SLC39A14: variants seen among roughly 807,000 people sequenced by gnomAD.
SLC39A14 encodes solute carrier family 39 member 14, also known as metal cation symporter ZIP14.
Under a neutral mutation model 45.5 loss-of-function variants are expected in SLC39A14, and 19 were observed. The observed-to-expected ratio is 0.42, with a 90% CI of 0.29 to 0.61. The LOEUF is 0.61. Ranked by LOEUF, SLC39A14 falls within the 20% of genes least tolerant of loss-of-function variation. The pLI is 0.22. For synonymous variants in SLC39A14, 264 were observed against 251.3 expected (o/e 1.05, Z -0.48); for missense variants, 447 against 616.5 (o/e 0.73, Z 2.91).
At chr8:22,406,208 G>A (rs1393185281) in intron 2 of SLC39A14, among the ~76,000 whole-genome samples, 1 of 152,220 alleles carries the variant, frequency 6.6e-6, no homozygotes, top group Non-Finnish European at 1.5e-5. Flanking sequence ...CAGCACTTTG[G>A]GAGGCCTAGG....
chr8:22,399,796 T>C (rs1254678881), intron 1 of SLC39A14, among the ~76,000 whole-genome samples: 1 of 152,232 alleles, frequency 6.6e-6, no homozygotes, highest in East Asian at 1.9e-4. Context: ...TGCTCACCTC[T>C]AGGTGAGTGC....
At chr8:22,434,001 C>T (rs992443382) in exon 9 of SLC39A14, 1 of 383,776 alleles carries the variant, frequency 2.6e-6, no homozygotes, top group Admixed American at 3.1e-5. Context: ...TCCCGAGTAA[C>T]TGAGCCAGCC....
chr8:22,371,694 G>C (rs1832945678), intron 1 of SLC39A14, among the ~76,000 whole-genome samples: 1 of 150,422 alleles, frequency 6.6e-6, no homozygotes. Flanking sequence ...GCCTCCCAAA[G>C]TGCTGGGATT....
At chr8:22,409,785 G>C (rs867218844) in intron 3 of SLC39A14, among the ~76,000 whole-genome samples, 2 of 152,174 alleles carry the variant, frequency 1.3e-5, no homozygotes, top group Non-Finnish European at 2.9e-5. Flanking sequence ...AGGCTTCTCC[G>C]CAGCATCTGG....
Position 22,412,020 on chromosome 8 carries a change from C to G in SLC39A14, c.458-17C>G. 2 of 1,546,668 alleles carry G rather than the reference C, an allele frequency of 1.3e-6. No individual in the cohort carries two copies. On this transcript the variant is annotated splice_polypyrimidine_tract_variant and intron_variant, in intron 3 of 8. Coordinates refer to ENST00000381237, the MANE Select transcript of SLC39A14 (RefSeq NM_001128431.4). ...CTCCCTGCCCTGGGTGGGGCTGGCC[C>G]TCCCTCCGCACGGCAGTGTGGGGAT...
intron 1 of SLC39A14, chr8:22,393,265 A>G: frequency 2.0e-6 from 2 of 984,798 alleles, no homozygotes; most frequent in Non-Finnish European, 2.4e-6. Context: ...GGAGGGCAAG[A>G]GGAGGCAGGG....
At chr8:22,387,008 C>T (rs1032331703) in intron 1 of SLC39A14, among the ~76,000 whole-genome samples, 4 of 151,842 alleles carry the variant, frequency 2.6e-5, no homozygotes, top group African/African-American at 9.7e-5. Context: ...CCTGTCTCTA[C>T]AAAACAATAA....
chr8:22,398,723 A>G (rs1039585170), intron 1 of SLC39A14: 1 of 985,372 alleles, frequency 1.0e-6, no homozygotes, highest in African/African-American at 1.7e-5. Flanking sequence ...CATGCTGAAC[A>G]TCACAGAAGC....
At chr8:22,416,663 C>T (rs964606353) in intron 7 of SLC39A14, among the ~76,000 whole-genome samples, 5 of 151,682 alleles carry the variant, frequency 3.3e-5, no homozygotes, top group African/African-American at 1.2e-4. Flanking sequence ...TCTTGAACTC[C>T]TTACCTCGTG....
Sources: gnomAD v4.1 joint callset for allele counts (sites outside exome capture counted in the v4.1 genomes callset) on GRCh38, gnomAD v4.1.1 for gene constraint, MANE v1.5 for transcripts, NCBI Gene and HGNC (gene_info 2026-07-23, HGNC 2026-07-21) for gene names.